The following SYNE2 variants were observed in gnomAD, a reference collection of about 807,000 sequenced individuals.
The protein encoded by SYNE2 is nesprin-2.
In SYNE2, 431 loss-of-function variants were observed where a neutral mutation model predicts 856.3. The observed-to-expected ratio is 0.50, with a 90% CI of 0.47 to 0.55. SYNE2 has a LOEUF of 0.55. SYNE2 is among the 20% of genes least tolerant of loss of function. SYNE2 has a pLI of 0.00. For synonymous variants in SYNE2, 2,923 were observed against 2,872.3 expected (o/e 1.02, Z -0.56); for missense variants, 8,129 against 8,023.2 (o/e 1.01, Z -0.50).
At chr14:63,980,553 G>A in intron 14 of SYNE2, 101 bp from the exon 15 acceptor site, 1 of 766,348 alleles carries the variant, frequency 1.3e-6, no homozygotes, top group Non-Finnish European at 2.2e-6. Flanking sequence ...AAGAAATTTG[G>A]TAACTCTGTC....
intron 1 of SYNE2, among the ~76,000 whole-genome samples, chr14:63,858,716 T>C (rs972831112): frequency 2.0e-5 from 3 of 152,190 alleles, no homozygotes; most frequent in Non-Finnish European, 4.4e-5. Context: ...GTATTGCCTC[T>C]TAATAATGTT....
In SYNE2 at chr14:64,065,437, G is replaced by A. The variant is rs201421128; in HGVS notation, c.10218G>A (p.Leu3406=). 1 of 1,613,768 alleles carries A rather than the reference G, an allele frequency of 6.2e-7. No homozygotes were observed. The highest frequency in any genetic ancestry group is 1.3e-5 in the African/African-American group (1 of 74,842). ...ALERLEQSKA[L]VSNLISTKEE... ...TTTTTCTTTTCTTTCTTAAGGCCTT[G>A]GTGTCAAATCTTATATCAACCAAAG... Residue 3406 remains leucine (L), a synonymous_variant, in exon 51 of 116, where the codon TTG becomes TTA. Transcript: ENST00000555002.
At chr14:63,814,400 A>T (rs889075646) in intron 1 of SYNE2, among the ~76,000 whole-genome samples, 1 of 144,896 alleles carries the variant, frequency 6.9e-6, no homozygotes, top group East Asian at 2.0e-4. Flanking sequence ...TATATCCATA[A>T]ACATATCCAT....
chr14:63,866,921 A>C (rs1895493360), intron 1 of SYNE2, among the ~76,000 whole-genome samples: 2 of 152,192 alleles, frequency 1.3e-5, no homozygotes, highest in Non-Finnish European at 1.5e-5. Flanking sequence ...GTGCCACTAC[A>C]CTTCAGCCTT....
intron 78 of SYNE2, among the ~76,000 whole-genome samples, chr14:64,134,588 C>T (rs1297777655): frequency 6.6e-6 from 1 of 152,174 alleles, no homozygotes; most frequent in Non-Finnish European, 1.5e-5. Context: ...CAGCCTTCGG[C>T]CTCTAAACAT....
chr14:63,812,354 A>T (rs562457531), intron 1 of SYNE2, among the ~76,000 whole-genome samples: 2 of 152,278 alleles, frequency 1.3e-5, no homozygotes, highest in East Asian at 3.9e-4. Context: ...GTCAGACCTT[A>T]TGGTTGTCTT....
At chr14:64,159,238 G>A (rs951067572) in intron 86 of SYNE2, 74 bp from the exon 87 acceptor site, 4 of 1,593,002 alleles carry the variant, frequency 2.5e-6, no homozygotes, top group African/African-American at 1.3e-5. Context: ...AGTAGCAAGT[G>A]TTGAGAAGCT....
intron 93 of SYNE2, among the ~76,000 whole-genome samples, chr14:64,169,179 C>T (rs1037501005): frequency 6.6e-6 from 1 of 152,120 alleles, no homozygotes; most frequent in African/African-American, 2.4e-5. Flanking sequence ...ACACCTTTTC[C>T]GTATGGTAGG....
At chr14:63,995,749 C>CTATG (rs2096709032) in intron 23 of SYNE2, among the ~76,000 whole-genome samples, 1 of 117,342 alleles carries the variant, frequency 8.5e-6, no homozygotes, top group Non-Finnish European at 1.8e-5. Flanking sequence ...ATCTATCTAT[C>CTATG]TATCTATCTA....
chr14:64,087,694 G>C lies in SYNE2; in HGVS notation c.11508G>C (p.Gln3836His), dbSNP rs1315959283. ...TVQMALEDSE[Q>H]KHNLLHSIFM... ...AGATGGCTTTGGAAGATTCAGAACA[G>C]AAGCACAATCTTTTACATTCAATCT... Residue 3836 changes from glutamine to histidine, a missense_variant, in exon 58 of 116, where the codon CAG becomes CAC. Coordinates refer to ENST00000555002, the MANE Select transcript of SYNE2 (RefSeq NM_182914.3). The C allele has an allele frequency of 4.3e-6, 7 of 1,613,968 alleles. No individual in the cohort carries two copies. Among genetic ancestry groups the C allele is most frequent in the Admixed American group, 1.7e-5 (1 of 60,004 alleles).
intron 1 of SYNE2, chr14:63,864,258 A>T (rs191472920): frequency 1.3e-5 from 2 of 152,368 alleles, no homozygotes; most frequent in Non-Finnish European, 2.9e-5. Flanking sequence ...GTTTAAAAGA[A>T]AATAAGTTAC....
At chr14:63,814,928 ATATC>A (rs1229502696) in intron 1 of SYNE2, among the ~76,000 whole-genome samples, 16 of 119,418 alleles carry the variant, frequency 1.3e-4, no homozygotes, top group Admixed American at 8.0e-4. Flanking sequence ...ATCTATCCAT[ATATC>A]TATCCATATA....
chr14:63,892,644 T>C (rs1477330630), intron 1 of SYNE2, among the ~76,000 whole-genome samples: 1 of 152,146 alleles, frequency 6.6e-6, no homozygotes, highest in Middle Eastern at 3.4e-3. Context: ...CTGTGACTCA[T>C]GAAGACCCGA....
intron 79 of SYNE2, among the ~76,000 whole-genome samples, chr14:64,138,860 T>G (rs2098116585): frequency 6.6e-6 from 1 of 151,764 alleles, no homozygotes; most frequent in African/African-American, 2.4e-5. Flanking sequence ...GCAAATACGT[T>G]GGGTGTTCAG....
chr14:63,940,070 ATTTTTTT>A (rs10666086), intron 2 of SYNE2, among the ~76,000 whole-genome samples: 6 of 129,400 alleles, frequency 4.6e-5, no homozygotes, highest in African/African-American at 1.4e-4. Flanking sequence ...GTCTCAGTTC[ATTTTTTT>A]TTTTTTTTTT....
chr14:64,127,297 G>A (rs1435181833), intron 73 of SYNE2, among the ~76,000 whole-genome samples: 2 of 151,994 alleles, frequency 1.3e-5, no homozygotes, highest in Middle Eastern at 3.4e-3. Flanking sequence ...AGTCTTGACC[G>A]AGCGTAGTAG....
At chr14:64,155,448 C>T (rs576410898) in intron 85 of SYNE2, among the ~76,000 whole-genome samples, 8 of 151,958 alleles carry the variant, frequency 5.3e-5, no homozygotes, top group Admixed American at 2.0e-4. Flanking sequence ...CTGGGGAGAA[C>T]GAGGAGTGAC....
At chr14:63,831,549 C>CTTTTTTTTTTTTTTTTT (rs1211983068) in intron 1 of SYNE2, among the ~76,000 whole-genome samples, 2 of 69,548 alleles carry the variant, frequency 2.9e-5, no homozygotes, top group Non-Finnish European at 5.1e-5. Flanking sequence ...AATGTTCATT[C>CTTTTTTTTTTTTTTTTT]TTTTTTTTTT....
chr14:64,116,289 CACATT>C (rs1327254729), intron 66 of SYNE2, among the ~76,000 whole-genome samples: 5 of 152,076 alleles, frequency 3.3e-5, no homozygotes, highest in Non-Finnish European at 2.9e-5. Context: ...AAACAGCTGT[CACATT>C]ACATTAAAAA....
Sources: allele counts gnomAD v4.1 joint callset (sites outside exome capture counted in the v4.1 genomes callset), GRCh38; gene constraint gnomAD v4.1.1; transcripts MANE v1.5; gene names NCBI Gene and HGNC (gene_info 2026-07-23, HGNC 2026-07-21).